Variants in ADAMTSL3 observed in about 807,000 individuals in gnomAD.
ADAMTSL3 encodes ADAMTS-like protein 3.
ADAMTSL3 carries 128 observed loss-of-function variants against 201.7 expected under a neutral mutation model. The ratio of observed to expected loss-of-function variants is 0.63; its 90% CI spans 0.55 to 0.73. The LOEUF is 0.73. Ranked by LOEUF, ADAMTSL3 falls within the 30% of genes least tolerant of loss-of-function variation. ADAMTSL3 has a pLI of 0.00. For missense variants in ADAMTSL3, 1,990 were observed against 2,119.6 expected, an observed-to-expected ratio of 0.94 and a Z score of 1.20; for synonymous variants, 738 against 748.4, an observed-to-expected ratio of 0.99 and a Z score of 0.23.
At chr15:83,784,578 A>G (rs1279758272) in intron 4 of ADAMTSL3, among the ~76,000 whole-genome samples, 1 of 152,122 alleles carries the variant, frequency 6.6e-6, no homozygotes, top group East Asian at 1.9e-4. Context: ...TCAGATTACA[A>G]TCTCTATTTA....
intron 19 of ADAMTSL3, among the ~76,000 whole-genome samples, chr15:83,967,563 T>G (rs1447098709): frequency 2.0e-5 from 3 of 152,144 alleles, no homozygotes; most frequent in African/African-American, 7.2e-5. Context: ...ACATTCCATG[T>G]TCATGGATAT....
chr15:83,751,091 G>A (rs777437434), intron 3 of ADAMTSL3, among the ~76,000 whole-genome samples: 1 of 152,134 alleles, frequency 6.6e-6, no homozygotes, highest in Non-Finnish European at 1.5e-5. Flanking sequence ...AGTCTAGTTC[G>A]AGATGGACAT....
In ADAMTSL3 at chr15:83,804,689, C is replaced by G. The variant is rs1262432857; in HGVS notation, c.357C>G (p.Ser119Arg). Reference sequence around the variant, plus strand: ...AGAACATTCGGTACAAGACATGCAGCAATCATGTAAGTCATAAAATAAAAT... The same window carrying G: ...AGAACATTCGGTACAAGACATGCAGGAATCATGTAAGTCATAAAATAAAAT... ...EGQNIRYKTC[S>R]NHDCPPDAED... is the part of the protein sequence containing the mutation. The change falls in exon 5 of 30, where the codon AGC becomes AGG. Residue 119 changes from serine (S) to arginine (R), a missense_variant. Coordinates refer to ENST00000286744, the MANE Select transcript of ADAMTSL3 (RefSeq NM_207517.3). 6.3e-7 allele frequency: 1 copy of G among 1,581,504 alleles called. No individual in the cohort carries two copies. Among genetic ancestry groups the G allele is most frequent in the Non-Finnish European group, 8.6e-7 (1 of 1,166,186 alleles).
chr15:83,865,209 A>C (rs764418605), intron 8 of ADAMTSL3, among the ~76,000 whole-genome samples: 3 of 152,200 alleles, frequency 2.0e-5, no homozygotes, highest in Non-Finnish European at 4.4e-5. Flanking sequence ...TATAGATTCA[A>C]CGCCATCCCC....
At chr15:83,995,759 G>C (rs982196037) in intron 23 of ADAMTSL3, among the ~76,000 whole-genome samples, 4 of 152,096 alleles carry the variant, frequency 2.6e-5, no homozygotes, top group Non-Finnish European at 5.9e-5. Flanking sequence ...AATCCTGTAG[G>C]ATTGCTAGAA....
chr15:83,685,787 A>C (rs2061528130), intron 2 of ADAMTSL3, among the ~76,000 whole-genome samples: 1 of 152,154 alleles, frequency 6.6e-6, no homozygotes, highest in Non-Finnish European at 1.5e-5. Context: ...TGTGAGATTA[A>C]TTTAGATAAA....
intron 3 of ADAMTSL3, among the ~76,000 whole-genome samples, chr15:83,714,741 C>T (rs1328691558): frequency 3.9e-5 from 1 of 25,838 alleles, no homozygotes; most frequent in Non-Finnish European, 6.1e-5. Context: ...TCTCCTTCTC[C>T]TTTTCCTTCC....
chr15:83,695,507 C>A (rs553653317), intron 2 of ADAMTSL3, among the ~76,000 whole-genome samples: 1 of 151,990 alleles, frequency 6.6e-6, no homozygotes, highest in South Asian at 2.1e-4. Context: ...AGGAGAAGGG[C>A]CCGGGGCTCA....
intron 2 of ADAMTSL3, among the ~76,000 whole-genome samples, chr15:83,666,335 T>G (rs949927810): frequency 1.3e-5 from 2 of 152,210 alleles, no homozygotes; most frequent in Non-Finnish European, 2.9e-5. Flanking sequence ...TTAAGACACA[T>G]AATTTTTGGG....
At chr15:83,739,931 A>T (rs2062428219) in intron 3 of ADAMTSL3, 1 of 565,780 alleles carries the variant, frequency 1.8e-6, no homozygotes, top group Non-Finnish European at 3.5e-6. Context: ...GCATCCTTCA[A>T]CACCTTCTTC....
rs372616706 is a variant in ADAMTSL3, at chr15:83,968,529, T to C, written c.2491-1955T>C. On this transcript the variant is annotated intron_variant, in intron 19 of 29. Transcript: ENST00000286744. The stretch of plus-strand genomic sequence containing the variant: ...AGGAAACAACAGATGCTGGAGAGGA[T>C]ATGGAGAAATAGGAATGCTTTTACA... Among the ~76,000 whole-genome samples the C allele has an allele frequency of 2.6e-5, 4 of 152,348 alleles. No homozygotes were observed. In the East Asian group the frequency reaches 5.8e-4, roughly 22 times the overall value.
At chr15:83,899,343 A>G (rs11259928) in intron 14 of ADAMTSL3, among the ~76,000 whole-genome samples, 95,413 of 152,182 alleles carry the variant, frequency 0.63, 31,004 homozygotes, top group African/African-American at 0.79. Context: ...AAGCTTCAAT[A>G]TATGAACAAC....
At chr15:83,684,985 C>T (rs2061517523) in intron 2 of ADAMTSL3, among the ~76,000 whole-genome samples, 1 of 152,036 alleles carries the variant, frequency 6.6e-6, no homozygotes, top group South Asian at 2.1e-4. Context: ...CCTAGTTGTA[C>T]CATATTATCT....
At chr15:83,775,983 A>G (rs2063066853) in intron 4 of ADAMTSL3, among the ~76,000 whole-genome samples, 1 of 152,186 alleles carries the variant, frequency 6.6e-6, no homozygotes, top group Non-Finnish European at 1.5e-5. Context: ...ACCCTCACGT[A>G]AACTTTGCTA....
intron 6 of ADAMTSL3, among the ~76,000 whole-genome samples, chr15:83,820,590 T>C (rs752362485): frequency 2.6e-5 from 4 of 152,228 alleles, no homozygotes; most frequent in East Asian, 1.9e-4. Flanking sequence ...AGAGTAATAC[T>C]AGAGAGTCTC....
chr15:83,865,726 C>G (rs1292135033), intron 8 of ADAMTSL3, among the ~76,000 whole-genome samples: 1 of 152,128 alleles, frequency 6.6e-6, no homozygotes, highest in Non-Finnish European at 1.5e-5. Context: ...GTCTAAAACA[C>G]CAAAAGCAAT....
At chr15:83,918,952 T>C (rs1353833557) in intron 16 of ADAMTSL3, among the ~76,000 whole-genome samples, 1 of 151,966 alleles carries the variant, frequency 6.6e-6, no homozygotes, top group East Asian at 1.9e-4. Context: ...TTGAGAGACA[T>C]GTAGGAGATA....
chr15:83,673,693 T>C (rs1177383951), intron 2 of ADAMTSL3, among the ~76,000 whole-genome samples: 1 of 152,228 alleles, frequency 6.6e-6, no homozygotes, highest in Non-Finnish European at 1.5e-5. Flanking sequence ...TTTTTTAAGC[T>C]GTCATGTGGA....
chr15:83,919,232 G>A (rs2066092878), intron 16 of ADAMTSL3, among the ~76,000 whole-genome samples: 1 of 152,130 alleles, frequency 6.6e-6, no homozygotes, highest in Non-Finnish European at 1.5e-5. Context: ...CCAGGGGCAT[G>A]GACAAGAATT....
Sources: gnomAD v4.1 joint callset for allele counts (sites outside exome capture counted in the v4.1 genomes callset) on GRCh38, gnomAD v4.1.1 for gene constraint, MANE v1.5 for transcripts, NCBI Gene and HGNC (gene_info 2026-07-23, HGNC 2026-07-21) for gene names.